Variants in RUFY2 observed in about 807,000 individuals in gnomAD.
RUFY2 encodes RUN and FYVE domain containing 2, also known as RUN and FYVE domain-containing protein 2.
In RUFY2, 49 loss-of-function variants were observed where a neutral mutation model predicts 94.4. That is an observed-to-expected ratio of 0.52 (90% CI 0.41 to 0.66). The LOEUF (loss-of-function observed/expected upper bound fraction) is 0.66, where lower values mean the gene tolerates loss of function less well. Ranked by LOEUF, RUFY2 falls within the 30% of genes least tolerant of loss-of-function variation. The probability of loss-of-function intolerance (pLI) is 0.00; values close to 1 mark genes in which losing one functional copy is unlikely to be tolerated. For missense variants in RUFY2, 541 were observed against 692.8 expected (o/e 0.78, Z 2.46); for synonymous variants, 255 against 235.7 (o/e 1.08, Z -0.75).
intron 8 of RUFY2, 52 bp from the exon 9 acceptor site, chr10:68,384,204 G>GT: frequency 6.5e-7 from 1 of 1,541,494 alleles, no homozygotes; most frequent in Non-Finnish European, 8.7e-7. Flanking sequence ...CCTTATACTT[G>GT]CTTTGCAGGT....
chr10:68,402,839 CTTTTTTTTTTT>C (rs68013041), intron 2 of RUFY2, among the ~76,000 whole-genome samples: 55 of 109,880 alleles, frequency 5.0e-4, no homozygotes, highest in Admixed American at 4.0e-4. Context: ...CAAGCCATAT[CTTTTTTTTTTT>C]TTTTTTTTTT....
Position 68,345,256 on chromosome 10 carries a change from T to C in RUFY2, c.*512A>G, listed in dbSNP as rs2046205547. On this transcript the variant is annotated 3_prime_UTR_variant, in exon 18 of 18. Transcript: ENST00000602465. ...TTTGTAGGACAAAATATTGGCCCTG[T>C]CTAATGCAAGAGGCAAAGGGAGAGG... is the stretch of plus-strand genomic sequence containing the variant. 5.3e-6 allele frequency: 1 copy of C among 188,678 alleles called. No homozygotes were observed. The highest frequency in any genetic ancestry group is 2.3e-5 in the African/African-American group (1 of 43,146). The allele number at this position is 188,678 out of a possible 1,614,324, so 11.7% of individuals were successfully genotyped here.
At chr10:68,385,067 G>A (rs912512060) in intron 8 of RUFY2, among the ~76,000 whole-genome samples, 11 of 152,134 alleles carry the variant, frequency 7.2e-5, no homozygotes, top group African/African-American at 2.7e-4. Flanking sequence ...TTTGAGATCA[G>A]CCTGACCAAC....
intron 13 of RUFY2, among the ~76,000 whole-genome samples, chr10:68,372,760 T>A (rs1444464504): frequency 6.6e-6 from 1 of 151,590 alleles, no homozygotes; most frequent in Non-Finnish European, 1.5e-5. Flanking sequence ...AATACAAAAA[T>A]TAGCCAGGTA....
At chr10:68,341,615 C>G, downstream of RUFY2, 1 of 1,612,938 alleles carries the variant, frequency 6.2e-7, no homozygotes, top group Non-Finnish European at 8.5e-7. Context: ...TTCTTGAATT[C>G]TACTCCTGGA....
chr10:68,361,476 A>C (rs2047460244), intron 15 of RUFY2, among the ~76,000 whole-genome samples: 2 of 152,218 alleles, frequency 1.3e-5, no homozygotes, highest in African/African-American at 4.8e-5. Context: ...AAGCTCAATA[A>C]GTGTCTGTCA....
intron 7 of RUFY2, among the ~76,000 whole-genome samples, chr10:68,388,570 C>T (rs1564835430): frequency 6.6e-6 from 1 of 152,094 alleles, no homozygotes; most frequent in African/African-American, 2.4e-5. Context: ...GGTGCAGTGG[C>T]TAACATCTAT....
Position 68,401,754 on chromosome 10 carries a change from A to T in RUFY2, c.179-17T>A. 1.4e-6 allele frequency: 2 copies of T among 1,391,140 alleles called. No homozygotes were observed. Among genetic ancestry groups the T allele is most frequent in the Non-Finnish European group, 2.0e-6 (2 of 976,992 alleles). The allele number at this position is 1,391,140 out of a possible 1,614,324, so 86.2% of individuals were successfully genotyped here. A position where few individuals can be genotyped will look rare whatever the true frequency, so the allele number is the denominator to read the frequency against. ...ATTTTCTTACTGAAAAAAAGAACAC[A>T]TAATGCACACAATGTCAACATAAAA... On this transcript the variant is annotated splice_polypyrimidine_tract_variant and intron_variant, in intron 2 of 17. Coordinates refer to ENST00000602465, the MANE Select transcript of RUFY2 (RefSeq NM_001330103.2).
chr10:68,350,307 G>A (rs2132299817), intron 16 of RUFY2, among the ~76,000 whole-genome samples: 1 of 152,180 alleles, frequency 6.6e-6, no homozygotes, highest in East Asian at 1.9e-4. Flanking sequence ...CACCATGCTT[G>A]GCCTAATCAA....
intron 1 of RUFY2, chr10:68,405,346 G>T: frequency 1.3e-4 from 46 of 345,986 alleles, no homozygotes; most frequent in South Asian, 3.5e-4. Flanking sequence ...AAGAAAGAAA[G>T]AAAAAAGAAA....
At chr10:68,378,228 T>C (rs747969866) in intron 12 of RUFY2, 10 of 1,014,950 alleles carry the variant, frequency 9.9e-6, no homozygotes, top group Non-Finnish European at 1.2e-5. Context: ...GCCAACACAG[T>C]ATAAAACTGA....
At chr10:68,400,548 C>T (rs534455685) in intron 3 of RUFY2, among the ~76,000 whole-genome samples, 7 of 147,676 alleles carry the variant, frequency 4.7e-5, no homozygotes, top group African/African-American at 1.5e-4. Flanking sequence ...TGGTGGCATG[C>T]ACCTGTAATC....
intron 16 of RUFY2, among the ~76,000 whole-genome samples, chr10:68,351,743 C>T (rs901755762): frequency 1.3e-5 from 2 of 150,586 alleles, no homozygotes; most frequent in South Asian, 2.1e-4. Flanking sequence ...CCACTGCACC[C>T]GGCCCCATCT....
chr10:68,384,857 C>T (rs747324609), intron 8 of RUFY2, among the ~76,000 whole-genome samples: 4 of 152,180 alleles, frequency 2.6e-5, no homozygotes, highest in Non-Finnish European at 5.9e-5. Context: ...AGAAGAGGCA[C>T]AAACTAGTGA....
rs938753550 is a variant in RUFY2, at chr10:68,355,690, G to A, written c.1551-289C>T. On this transcript the variant is annotated intron_variant, in intron 15 of 17. Transcript: ENST00000602465. ...AGCACTTTGGGAGGCCGAGGCCCGC[G>A]GATCACGAGGTCAGGAGATCGAGAC... 4.8e-5 allele frequency: 10 copies of A among 209,558 alleles called. 1 individual carries two copies. Among genetic ancestry groups the A allele is most frequent in the South Asian group, 2.5e-4 (4 of 16,276 alleles). 13.0% of individuals were successfully genotyped at this position (209,558 alleles called of 1,614,324 possible).
At chr10:68,383,124 A>T (rs2049207183) in intron 10 of RUFY2, among the ~76,000 whole-genome samples, 1 of 152,194 alleles carries the variant, frequency 6.6e-6, no homozygotes, top group African/African-American at 2.4e-5. Context: ...CAGGAGTTTG[A>T]GCCCAGCCTG....
At chr10:68,361,931 T>G (rs1185713192) in intron 15 of RUFY2, among the ~76,000 whole-genome samples, 1 of 152,262 alleles carries the variant, frequency 6.6e-6, no homozygotes, top group African/African-American at 2.4e-5. Flanking sequence ...TAAACCTTTT[T>G]GTGCTATTTG....
At chr10:68,341,501 A>G (rs2045936489), downstream of RUFY2, 1 of 1,071,304 alleles carries the variant, frequency 9.3e-7, no homozygotes, top group Admixed American at 2.3e-5. Context: ...ATATTACTTA[A>G]TTGATCTTTT....
intron 13 of RUFY2, among the ~76,000 whole-genome samples, chr10:68,371,001 G>T (rs569959188): frequency 3.3e-5 from 5 of 151,806 alleles, no homozygotes; most frequent in African/African-American, 1.2e-4. Flanking sequence ...GTGTGGTGAC[G>T]GGCACCTGTA....
Sources: gnomAD v4.1 joint callset for allele counts (sites outside exome capture counted in the v4.1 genomes callset) on GRCh38, gnomAD v4.1.1 for gene constraint, MANE v1.5 for transcripts, NCBI Gene and HGNC (gene_info 2026-07-23, HGNC 2026-07-21) for gene names.